USP35: variants seen among roughly 807,000 people sequenced by gnomAD.
USP35 encodes the protein ubiquitin specific peptidase 35.
Under a neutral mutation model 83.8 loss-of-function variants are expected in USP35, and 69 were observed. The ratio of observed to expected loss-of-function variants is 0.82; its 90% CI spans 0.68 to 1.01. The LOEUF (loss-of-function observed/expected upper bound fraction) is 1.01. USP35 is among the 50% of genes least tolerant of loss of function. USP35 has a pLI of 0.00. For synonymous variants in USP35, 714 were observed against 589.5 expected, an observed-to-expected ratio of 1.21 and a Z score of -3.06; for missense variants, 1,503 against 1,362.5, an observed-to-expected ratio of 1.10 and a Z score of -1.62.
At chr11:78,211,940 T>C (rs1008614307) in intron 10 of USP35, among the ~76,000 whole-genome samples, 1 of 152,228 alleles carries the variant, frequency 6.6e-6, no homozygotes, top group Non-Finnish European at 1.5e-5. Context: ...AGCTCTTTAG[T>C]TTAAGTGGAT....
rs1863734866 is a variant in USP35, at chr11:78,210,686, C to T, written c.2831C>T (p.Pro944Leu). The T allele has an allele frequency of 6.2e-7, 1 of 1,600,248 alleles. No individual in the cohort carries two copies. Residue 944 changes from proline to leucine, a missense_variant, in exon 10 of 11, where the codon CCC becomes CTC. Physicochemically the swap from Pro to Leu is moderately conservative, Grantham distance 98. Coordinates refer to ENST00000529308, the MANE Select transcript of USP35 (RefSeq NM_020798.4). The stretch of plus-strand genomic sequence containing the variant: ...GGCTCTTCTAGAGTCCGGACAGAGC[C>T]CACCCTGCACAAGGACTTGATGGAA... ...ELGSSRVRTE[P>L]TLHKDLMEAI... is the part of the protein sequence containing the mutation.
At chr11:78,234,940 G>C in the USP35 span, among the ~76,000 whole-genome samples, 2 of 151,876 alleles carry the variant, frequency 1.3e-5, no homozygotes, top group Non-Finnish European at 2.9e-5. Flanking sequence ...AACCCAGGAG[G>C]CGAAGGTTGC....
chr11:78,209,521 G>A lies in USP35; in HGVS notation c.1666G>A (p.Glu556Lys), dbSNP rs750796612. 8.1e-6 allele frequency: 13 copies of A among 1,613,974 alleles called. No homozygotes were observed. Among genetic ancestry groups the A allele is most frequent in the South Asian group, 6.6e-5 (6 of 91,080 alleles). Reference sequence around the variant, plus strand: ...GCAGTCCAGCTCGCCCTCTCCGCCCGAGGAGCCCCCGGCCCCAAGTTCAAC... The same window carrying A: ...GCAGTCCAGCTCGCCCTCTCCGCCCAAGGAGCCCCCGGCCCCAAGTTCAAC... ...LKQSSSPSPPEEPPAPSSTSV... is the reference protein window; with the variant it reads ...LKQSSSPSPPKEPPAPSSTSV... The change falls in exon 10 of 11, where the codon GAG (glutamate) becomes AAG (lysine). Residue 556 changes from glutamate to lysine, a missense_variant. Physicochemically the swap from Glu to Lys is moderately conservative, Grantham distance 56 (BLOSUM62 1). Transcript: ENST00000529308.
intron 3 of USP35, 140 bp downstream of exon 3, chr11:78,198,208 C>G (rs866325242): frequency 9.2e-5 from 125 of 1,354,748 alleles, no homozygotes; most frequent in Non-Finnish European, 1.2e-4. Context: ...CATCATCTAT[C>G]CTTTCTTGAG....
chr11:78,200,821 C>A lies in USP35; in HGVS notation c.1197+13C>A, dbSNP rs750860495. 1.3e-6 allele frequency: 2 copies of A among 1,592,320 alleles called. No individual in the cohort carries two copies. Among genetic ancestry groups the A allele is most frequent in the Admixed American group, 3.4e-5 (2 of 58,276 alleles). On this transcript the variant is annotated intron_variant, in intron 6 of 10. Coordinates refer to ENST00000529308, the MANE Select transcript of USP35 (RefSeq NM_020798.4). ...GGAGGCCATCAAGGTGAGCGACAGTCCCCTACTTGGGCCTTGCCCCACTCT... is the reference window on the plus strand; with the variant it reads ...GGAGGCCATCAAGGTGAGCGACAGTACCCTACTTGGGCCTTGCCCCACTCT...
intron 2 of USP35, among the ~76,000 whole-genome samples, chr11:78,197,279 G>T (rs1863183868): frequency 6.6e-6 from 1 of 151,644 alleles, no homozygotes; most frequent in Admixed American, 6.6e-5. Flanking sequence ...AGGTGAGTTT[G>T]ATAGAAGCTA....
rs1350679854 is a variant in USP35, at chr11:78,196,468, G to A, written c.223G>A (p.Val75Ile). ...LHVAGRHHPD[V>I]FAEFFSARRV... ...CGTGGCCGGCCGCCACCACCCCGAC[G>A]TCTTCGCCGAGTTCTTCAGCGCGCG... Residue 75 changes from valine to isoleucine, a missense_variant, in exon 2 of 11, where the codon GTC (valine) becomes ATC (isoleucine). Coordinates refer to ENST00000529308, the MANE Select transcript of USP35 (RefSeq NM_020798.4). The surrounding 1 kb of genome is among the most constrained non-coding windows in gnomAD (Gnocchi z 4.8). 1.6e-6 allele frequency: 2 copies of A among 1,248,628 alleles called. No homozygotes were observed. Among genetic ancestry groups the A allele is most frequent in the African/African-American group, 1.6e-5 (1 of 61,922 alleles). The allele number at this position is 1,248,628 out of a possible 1,614,324, so 77.3% of individuals were successfully genotyped here.
At chr11:78,228,473 A>G in the USP35 span, among the ~76,000 whole-genome samples, 1 of 152,192 alleles carries the variant, frequency 6.6e-6, no homozygotes, top group Non-Finnish European at 1.5e-5. Flanking sequence ...TGGGGCTGTA[A>G]TACATAATAG....
At chr11:78,226,832 G>A in the USP35 span, 11 of 1,613,826 alleles carry the variant, frequency 6.8e-6, no homozygotes, top group Non-Finnish European at 9.3e-6. Flanking sequence ...CTGTGAGGCT[G>A]CCCTTGGTGT....
chr11:78,226,727 A>G, the USP35 span: 1 of 1,613,934 alleles, frequency 6.2e-7, no homozygotes, highest in African/African-American at 1.3e-5. Flanking sequence ...TGGCCGGAAC[A>G]TCCATATTGT....
At chr11:78,211,363 T>C (rs1176219860) in intron 10 of USP35, among the ~76,000 whole-genome samples, 4 of 152,196 alleles carry the variant, frequency 2.6e-5, no homozygotes, top group South Asian at 4.1e-4. Flanking sequence ...TTGATGGGCA[T>C]TTGGGTTGAT....
Position 78,196,947 on chromosome 11 carries a change from G to A in USP35, c.673+29G>A, listed in dbSNP as rs530299765. ...CGTGTGCGGCCGGGGCAGGAGCGCG[G>A]GCATGCGGAGGTCCTGGGTGGGCGC... On this transcript the variant is annotated intron_variant, in intron 2 of 10. Coordinates refer to ENST00000529308, the MANE Select transcript of USP35 (RefSeq NM_020798.4). The surrounding 1 kb of genome is among the most constrained non-coding windows in gnomAD (Gnocchi z 4.8). 1.6e-5 allele frequency: 23 copies of A among 1,429,546 alleles called. No homozygotes were observed. The highest frequency in any genetic ancestry group is 2.1e-5 in the Non-Finnish European group (23 of 1,095,896). 88.6% of individuals were successfully genotyped at this position (1,429,546 alleles called of 1,614,324 possible). A position where few individuals can be genotyped will look rare whatever the true frequency, so the allele number is the denominator to read the frequency against.
chr11:78,209,178 T>C (rs1327206097), intron 9 of USP35, among the ~76,000 whole-genome samples: 1 of 152,168 alleles, frequency 6.6e-6, no homozygotes. Flanking sequence ...GGTCATTGTG[T>C]ATGTCTGCAC....
the USP35 span, chr11:78,226,719 G>A: frequency 6.2e-7 from 1 of 1,613,870 alleles, no homozygotes; most frequent in Non-Finnish European, 8.5e-7. Flanking sequence ...GAGTGGGGTG[G>A]CCGGAACATC....
Position 78,210,633 on chromosome 11 carries a change from G to A in USP35, c.2778G>A (p.Arg926=). 6.2e-7 allele frequency: 1 copy of A among 1,614,148 alleles called. No homozygotes were observed. Among genetic ancestry groups the A allele is most frequent in the Non-Finnish European group, 8.5e-7 (1 of 1,179,976 alleles). Residue 926 remains arginine (R), a synonymous_variant, in exon 10 of 11, where the codon CGG becomes CGA. Coordinates refer to ENST00000529308, the MANE Select transcript of USP35 (RefSeq NM_020798.4). ...CCTATGTGCTGTTTTACCGGCAGCG[G>A]CCCAGGGAGGGGCCCGAGGCTGAGT... ...DTAYVLFYRQ[R]PREGPEAELG...
chr11:78,214,045 G>C lies in USP35; in HGVS notation c.*232G>C, dbSNP rs1028287494. 6.9e-6 allele frequency: 3 copies of C among 433,318 alleles called. No homozygotes were observed. The highest frequency in any genetic ancestry group is 1.2e-5 in the Non-Finnish European group (3 of 254,794). The allele number at this position is 433,318 out of a possible 1,614,324, so 26.8% of individuals were successfully genotyped here. A position where few individuals can be genotyped will look rare whatever the true frequency, so the allele number is the denominator to read the frequency against. The stretch of plus-strand genomic sequence containing the variant: ...TACACCCAAGTGTCCTGGTTAACTT[G>C]AAGCAGCCGAGATGGGCACACACGG... On this transcript the variant is annotated 3_prime_UTR_variant, in exon 11 of 11. Transcript: ENST00000529308.
the USP35 span, chr11:78,221,682 G>A: frequency 6.2e-7 from 1 of 1,606,864 alleles, no homozygotes. Context: ...CTCACCATAG[G>A]GACATAGTTC....
chr11:78,223,603 G>A, the USP35 span: 13 of 1,613,534 alleles, frequency 8.1e-6, no homozygotes, highest in South Asian at 1.1e-5. Flanking sequence ...CAGGGTGGAA[G>A]AACCTGGATT....
In USP35 at chr11:78,214,175, C is replaced by CTAT. The variant is rs539301532; in HGVS notation, c.*364_*366dup. The CTAT allele has an allele frequency of 4.4e-4, 82 of 186,426 alleles. 1 individual carries two copies. The East Asian group carries it at 7.7e-3, about 17-fold the overall frequency. The allele number at this position is 186,426 out of a possible 1,614,324, so 11.5% of individuals were successfully genotyped here. A position where few individuals can be genotyped will look rare whatever the true frequency, so the allele number is the denominator to read the frequency against. On this transcript the variant is annotated 3_prime_UTR_variant, in exon 11 of 11. Transcript: ENST00000529308. ...AGCTCCAATGTTTTGACATCAAGTA[C>CTAT]TATTTTCCTTCCGACTGCTGTACGG...
Sources: gnomAD v4.1 joint callset for allele counts (sites outside exome capture counted in the v4.1 genomes callset) on GRCh38, gnomAD v4.1.1 for gene constraint, Gnocchi (gnomAD v3.1) non-coding constraint, MANE v1.5 for transcripts, NCBI Gene and HGNC (gene_info 2026-07-23, HGNC 2026-07-21) for gene names.